PPP1R9A: variants seen among roughly 807,000 people sequenced by gnomAD.
PPP1R9A encodes the protein neurabin-1.
Under a neutral mutation model 141.9 loss-of-function variants are expected in PPP1R9A, and 59 were observed. The observed-to-expected ratio is 0.42, with a 90% confidence interval of 0.34 to 0.52. The LOEUF (loss-of-function observed/expected upper bound fraction) is 0.52. Ranked by LOEUF, PPP1R9A falls within the 20% of genes least tolerant of loss-of-function variation. PPP1R9A has a pLI of 0.10. For missense variants in PPP1R9A, 1,444 were observed against 1,611.9 expected, an observed-to-expected ratio of 0.90 and a Z score of 1.78; for synonymous variants, 500 against 569.7, an observed-to-expected ratio of 0.88 and a Z score of 1.74.
At chr7:95,070,593 G>GTATATATATATATATACATA (rs1813639441) in intron 2 of PPP1R9A, among the ~76,000 whole-genome samples, 1 of 111,940 alleles carries the variant, frequency 8.9e-6, no homozygotes, top group African/African-American at 3.6e-5. Context: ...TAAATCTCTG[G>GTATATATATATATATACATA]TATATATATA....
intron 2 of PPP1R9A, among the ~76,000 whole-genome samples, chr7:94,976,484 G>A (rs916501633): frequency 3.3e-5 from 5 of 151,938 alleles, no homozygotes; most frequent in Non-Finnish European, 5.9e-5. Flanking sequence ...GAGACTATAG[G>A]CATGTGCCAC....
chr7:95,088,439 C>A lies in PPP1R9A; in HGVS notation c.1396-22820C>A, dbSNP rs76372834. On this transcript the variant is annotated intron_variant, in intron 2 of 19. Transcript: ENST00000433360. ...GAATTTGGAAAGTTTCACTGAAGTT[C>A]ATGGCACTGGGAAAACCACCATGCA... 4.1e-3 allele frequency among the ~76,000 whole-genome samples: 622 copies of A among 151,892 alleles called. 16 individuals are homozygous for A. The highest frequency in any genetic ancestry group is 0.014 in the African/African-American group (592 of 41,268).
intron 7 of PPP1R9A, among the ~76,000 whole-genome samples, chr7:95,205,893 T>G (rs1385934944): frequency 6.6e-6 from 1 of 152,126 alleles, no homozygotes; most frequent in East Asian, 1.9e-4. Context: ...TTAATTGTCT[T>G]GAGAGTCCAT....
intron 2 of PPP1R9A, among the ~76,000 whole-genome samples, chr7:95,072,334 A>T (rs1013943751): frequency 2.8e-5 from 4 of 144,258 alleles, no homozygotes; most frequent in Non-Finnish European, 6.1e-5. Flanking sequence ...TATTATATAT[A>T]ATAATATAAG....
intron 2 of PPP1R9A, among the ~76,000 whole-genome samples, chr7:94,936,924 C>T (rs1341486599): frequency 6.6e-6 from 1 of 151,902 alleles, no homozygotes. Context: ...TAAATTTATA[C>T]ATATTAAAGC....
At chr7:95,015,825 G>A (rs1356506707) in intron 2 of PPP1R9A, among the ~76,000 whole-genome samples, 1 of 151,968 alleles carries the variant, frequency 6.6e-6, no homozygotes, top group African/African-American at 2.4e-5. Flanking sequence ...TAAGGTGGGA[G>A]GATTACTTGA....
intron 2 of PPP1R9A, among the ~76,000 whole-genome samples, chr7:95,035,056 C>T (rs953390068): frequency 2.0e-5 from 3 of 152,262 alleles, no homozygotes; most frequent in Non-Finnish European, 1.5e-5. Flanking sequence ...AACTCCTGAG[C>T]TCAGTGCAGT....
intron 5 of PPP1R9A, among the ~76,000 whole-genome samples, chr7:95,164,718 CA>C (rs1413216359): frequency 2.8e-5 from 4 of 141,302 alleles, no homozygotes; most frequent in Non-Finnish European, 6.2e-5. Flanking sequence ...TCCAGATTAC[CA>C]TGGTTTTTTT....
intron 4 of PPP1R9A, among the ~76,000 whole-genome samples, chr7:95,148,688 CA>C (rs80065854): frequency 0.21 from 14,468 of 69,698 alleles, 1,287 homozygotes; most frequent in African/African-American, 0.35. Context: ...TCTAAAAATA[CA>C]AAAAAAAAAA....
intron 4 of PPP1R9A, among the ~76,000 whole-genome samples, chr7:95,125,537 A>G (rs1009180078): frequency 6.6e-6 from 1 of 152,242 alleles, no homozygotes; most frequent in African/African-American, 2.4e-5. Flanking sequence ...TCATGATTCC[A>G]TAAAGCAAAA....
At chr7:95,229,496 CT>C (rs1401056729) in intron 8 of PPP1R9A, among the ~76,000 whole-genome samples, 1 of 151,922 alleles carries the variant, frequency 6.6e-6, no homozygotes, top group East Asian at 2.0e-4. Context: ...TGACTTCCGG[CT>C]TTCCCCCACT....
chr7:95,123,141 T>C (rs1822932881), intron 4 of PPP1R9A, among the ~76,000 whole-genome samples: 1 of 152,196 alleles, frequency 6.6e-6, no homozygotes, highest in Non-Finnish European at 1.5e-5. Context: ...TTTCCTTCAA[T>C]CATTTTAAAA....
At chr7:95,142,855 T>C (rs1377733078) in intron 4 of PPP1R9A, among the ~76,000 whole-genome samples, 1 of 152,088 alleles carries the variant, frequency 6.6e-6, no homozygotes, top group African/African-American at 2.4e-5. Flanking sequence ...TGAATTATTA[T>C]GTCTTCAGTA....
At chr7:95,272,731 G>A (rs1301586670) in intron 14 of PPP1R9A, among the ~76,000 whole-genome samples, 1 of 152,088 alleles carries the variant, frequency 6.6e-6, no homozygotes, top group Admixed American at 6.6e-5. Context: ...GATGTGTGTT[G>A]AGAAATTTCT....
chr7:94,913,084 T>A (rs1258456177), intron 2 of PPP1R9A, among the ~76,000 whole-genome samples: 2 of 152,168 alleles, frequency 1.3e-5, no homozygotes, highest in Non-Finnish European at 2.9e-5. Context: ...TGAAATGAAC[T>A]CTTCAAGGAG....
intron 8 of PPP1R9A, among the ~76,000 whole-genome samples, chr7:95,230,851 A>T (rs1348399412): frequency 6.6e-6 from 1 of 152,136 alleles, no homozygotes; most frequent in African/African-American, 2.4e-5. Context: ...AGCACAATAG[A>T]AAAAAAGGTA....
chr7:95,130,715 ACCCACCT>A (rs775306484), intron 4 of PPP1R9A, among the ~76,000 whole-genome samples: 3 of 152,146 alleles, frequency 2.0e-5, no homozygotes, highest in Non-Finnish European at 4.4e-5. Context: ...AACCACAGGA[ACCCACCT>A]CTTATATCAT....
chr7:95,092,218 A>C (rs1187850988), intron 2 of PPP1R9A, among the ~76,000 whole-genome samples: 2 of 152,172 alleles, frequency 1.3e-5, no homozygotes, highest in African/African-American at 4.8e-5. Flanking sequence ...TTCAATTCTT[A>C]TGATGACAGC....
intron 8 of PPP1R9A, 64 bp from the exon 9 acceptor site, chr7:95,247,409 T>C (rs1798255649): frequency 1.5e-6 from 2 of 1,370,040 alleles, no homozygotes; most frequent in Admixed American, 3.5e-5. Flanking sequence ...TTGTAGCTGC[T>C]GAGGCTTTAC....
Sources: gnomAD v4.1 joint callset for allele counts (sites outside exome capture counted in the v4.1 genomes callset) on GRCh38, gnomAD v4.1.1 for gene constraint, MANE v1.5 for transcripts, NCBI Gene and HGNC (gene_info 2026-07-23, HGNC 2026-07-21) for gene names.